The following CHRM3 variants were observed in gnomAD, a reference collection of about 807,000 sequenced individuals.
CHRM3 encodes cholinergic receptor muscarinic 3, also known as muscarinic acetylcholine receptor M3.
CHRM3 carries 11 observed loss-of-function variants against 41.8 expected under a neutral mutation model. The ratio of observed to expected loss-of-function variants is 0.26; its 90% confidence interval spans 0.17 to 0.44. The LOEUF (loss-of-function observed/expected upper bound fraction) is 0.44, where lower values mean the gene tolerates loss of function less well. Among genes scored for constraint, CHRM3 ranks in the 20% least tolerant of loss-of-function variants. The probability of loss-of-function intolerance (pLI) is 1.00; values close to 1 mark genes in which losing one functional copy is unlikely to be tolerated. For missense variants in CHRM3, 571 were observed against 745.4 expected, an observed-to-expected ratio of 0.77 and a Z score of 2.72; for synonymous variants, 297 against 301.4, an observed-to-expected ratio of 0.99 and a Z score of 0.15.
intron 5 of CHRM3, among the ~76,000 whole-genome samples, chr1:239,759,713 C>T (rs1360040966): frequency 6.6e-6 from 1 of 152,088 alleles, no homozygotes; most frequent in African/African-American, 2.4e-5. Flanking sequence ...CATTTTTACA[C>T]GGCCAGAAAG....
chr1:239,664,145 A>ATGAC (rs1673528834), intron 4 of CHRM3, among the ~76,000 whole-genome samples: 2 of 152,180 alleles, frequency 1.3e-5, no homozygotes, highest in African/African-American at 4.8e-5. Flanking sequence ...AAAGCAGTAG[A>ATGAC]TGACTATTCA....
At chr1:239,684,638 G>T (rs534478481) in intron 5 of CHRM3, among the ~76,000 whole-genome samples, 79 of 149,088 alleles carry the variant, frequency 5.3e-4, no homozygotes, top group African/African-American at 1.8e-3. Flanking sequence ...GCAACAGAGC[G>T]AGATTCCGTC....
At position 239,602,108 on chromosome 1, in the gene CHRM3, G is replaced by GTGTGTGTGTATATATATA. The variant is rs1553337615; in HGVS notation, c.-312-30113_-312-30112insGTGTGTATATATATATGT. On this transcript the variant is annotated intron_variant, in intron 3 of 6. Transcript: ENST00000676153. ...TATATACATGTGTGTGTGTGTGTGT[G>GTGTGTGTGTATATATATA]TGTATATATATATATATATATATAT... 6.2e-4 allele frequency among the ~76,000 whole-genome samples: 80 copies of GTGTGTGTGTATATATATA among 129,400 alleles called. 1 individual carries two copies. The highest frequency in any genetic ancestry group is 5.6e-3 in the Admixed American group (73 of 13,108). The allele number at this position is 129,400 out of a possible 152,430, so 84.9% of individuals were successfully genotyped here. A position where few individuals can be genotyped will look rare whatever the true frequency, so the allele number is the denominator to read the frequency against.
At chr1:239,774,897 T>G (rs948740593) in intron 5 of CHRM3, among the ~76,000 whole-genome samples, 1 of 152,100 alleles carries the variant, frequency 6.6e-6, no homozygotes, top group African/African-American at 2.4e-5. Context: ...AGGGGAAAAA[T>G]GTGAGGGAAG....
intron 1 of CHRM3, among the ~76,000 whole-genome samples, chr1:239,412,547 G>T (rs1036802151): frequency 6.6e-6 from 1 of 150,664 alleles, no homozygotes; most frequent in East Asian, 2.0e-4. Context: ...GTTCAGGTAC[G>T]TGCCTCTGCT....
chr1:239,893,591 T>TCA (rs1461847734), intron 6 of CHRM3, among the ~76,000 whole-genome samples: 1 of 151,952 alleles, frequency 6.6e-6, no homozygotes, highest in Non-Finnish European at 1.5e-5. Flanking sequence ...ATGAAATGAG[T>TCA]CACTACATGC....
At chr1:239,879,820 G>A (rs1289161910) in intron 6 of CHRM3, among the ~76,000 whole-genome samples, 1 of 152,188 alleles carries the variant, frequency 6.6e-6, no homozygotes, top group Admixed American at 6.5e-5. Flanking sequence ...TGCTGCAATA[G>A]AAGTCTCTCC....
At chr1:239,535,034 C>T (rs1012542978) in intron 2 of CHRM3, among the ~76,000 whole-genome samples, 22 of 152,358 alleles carry the variant, frequency 1.4e-4, no homozygotes, top group Admixed American at 1.4e-3. Context: ...TGCCCTCAGG[C>T]AGCTTACATT....
At chr1:239,863,764 T>C (rs1675835172) in intron 6 of CHRM3, among the ~76,000 whole-genome samples, 1 of 152,076 alleles carries the variant, frequency 6.6e-6, no homozygotes, top group Non-Finnish European at 1.5e-5. Flanking sequence ...GAGTAGACAG[T>C]GGCATAATTC....
chr1:239,414,880 T>C (rs1416562703), intron 1 of CHRM3, among the ~76,000 whole-genome samples: 4 of 152,218 alleles, frequency 2.6e-5, no homozygotes, highest in Admixed American at 2.6e-4. Context: ...TTGCTTACTC[T>C]GTGTATTCTA....
chr1:239,703,433 A>C lies in CHRM3; in HGVS notation c.-147+25145A>C, dbSNP rs1173187128. The C allele has an allele frequency of 4.6e-5, 7 of 152,344 alleles. 2 individuals carry two copies. The highest frequency in any genetic ancestry group is 4.6e-4 in the Admixed American group (7 of 15,298). 9.4% of individuals were successfully genotyped at this position (152,344 alleles called of 1,614,324 possible). On this transcript the variant is annotated intron_variant, in intron 5 of 6. Transcript: ENST00000676153. ...AGGAGAAGCGTGGGAAATGACTACC[A>C]TACAAATCAAGAAATTCATGAAGGC...
chr1:239,842,096 T>C (rs1299314214), intron 6 of CHRM3, among the ~76,000 whole-genome samples: 1 of 152,176 alleles, frequency 6.6e-6, no homozygotes, highest in Non-Finnish European at 1.5e-5. Context: ...TTTCTCATCA[T>C]ACAACTTATA....
rs569809560 is a variant in CHRM3 at position 239,790,045 on chromosome 1, A to G, written c.-146-37207A>G. ...AATTTCTACCATTTGTAACCCGTGT[A>G]TTTACTCAATACCTGTACCCTAGGT... On this transcript the variant is annotated intron_variant, in intron 5 of 6. Coordinates refer to ENST00000676153, the MANE Select transcript of CHRM3 (RefSeq NM_001375978.1). Among the ~76,000 whole-genome samples the G allele has an allele frequency of 5.3e-5, 8 of 152,238 alleles. No individual in the cohort carries two copies. In the East Asian group the frequency reaches 1.6e-3, roughly 30 times the overall value.
intron 3 of CHRM3, among the ~76,000 whole-genome samples, chr1:239,551,090 C>T (rs1431970094): frequency 6.6e-6 from 1 of 150,468 alleles, no homozygotes; most frequent in East Asian, 1.9e-4. Context: ...CCAAGGAAGT[C>T]CCCTAACATT....
At chr1:239,774,772 A>G (rs531617716) in intron 5 of CHRM3, among the ~76,000 whole-genome samples, 37 of 152,168 alleles carry the variant, frequency 2.4e-4, no homozygotes, top group Middle Eastern at 3.2e-3. Context: ...AGATATTTCT[A>G]CTAACAAAAA....
intron 1 of CHRM3, among the ~76,000 whole-genome samples, chr1:239,405,781 C>T (rs1231198023): frequency 6.6e-6 from 1 of 152,074 alleles, no homozygotes; most frequent in Non-Finnish European, 1.5e-5. Context: ...ACAGAAGTTG[C>T]TGTTATGTTC....
intron 2 of CHRM3, 105 bp from the exon 3 acceptor site, chr1:239,545,536 C>T (rs1426008813): frequency 6.6e-6 from 1 of 152,072 alleles, no homozygotes; most frequent in Non-Finnish European, 1.5e-5. Flanking sequence ...TGTCAAACAT[C>T]TTTTTATTAT....
intron 1 of CHRM3, among the ~76,000 whole-genome samples, chr1:239,487,678 G>C (rs1667266874): frequency 6.6e-6 from 1 of 151,980 alleles, no homozygotes; most frequent in East Asian, 1.9e-4. Context: ...ACAATAAAAT[G>C]TTGAAGTGCT....
chr1:239,766,181 T>C (rs1013258048), intron 5 of CHRM3, among the ~76,000 whole-genome samples: 1 of 152,090 alleles, frequency 6.6e-6, no homozygotes, highest in Admixed American at 6.6e-5. Context: ...AGAAATGGCA[T>C]GTCTAAATAA....
Sources: gnomAD v4.1 joint callset for allele counts (sites outside exome capture counted in the v4.1 genomes callset) on GRCh38, gnomAD v4.1.1 for gene constraint, MANE v1.5 for transcripts, NCBI Gene and HGNC (gene_info 2026-07-23, HGNC 2026-07-21) for gene names.